The following YOD1 variants were observed in gnomAD, a reference collection of about 807,000 sequenced individuals.
YOD1 encodes the protein ubiquitin thioesterase OTU1.
A neutral mutation model predicts 23.7 loss-of-function variants in YOD1; 17 were observed. The observed-to-expected ratio is 0.72, with a 90% CI of 0.49 to 1.07. The LOEUF (loss-of-function observed/expected upper bound fraction) is 1.07, where lower values mean the gene tolerates loss of function less well. Among genes scored for constraint, YOD1 ranks in the 50% least tolerant of loss-of-function variants. YOD1 has a pLI of 0.00. For missense variants in YOD1, 413 were observed against 447.2 expected (o/e 0.92, Z 0.69); for synonymous variants, 191 against 169.6 (o/e 1.13, Z -0.98).
At chr1:207,050,412 CA>C (rs1682709545) in intron 1 of YOD1, among the ~76,000 whole-genome samples, 1 of 152,040 alleles carries the variant, frequency 6.6e-6, no homozygotes, top group Admixed American at 6.5e-5. Flanking sequence ...CGAGGGAAAA[CA>C]AAATGGGATA....
At position 207,050,745 on chromosome 1, in the gene YOD1, C is replaced by A. The variant is rs1370721597; in HGVS notation, c.286G>T (p.Glu96Ter). Residue 96 changes from glutamate to a stop codon, truncating the protein, a stop_gained, in exon 1 of 2, where the codon GAG (glutamate) becomes TAG (stop). Transcript: ENST00000315927. LOFTEE classifies it high-confidence loss of function. Reference sequence around the variant, plus strand: ...TCCCCATTGCTGAGATCCAGGCACTCGGGAGGGTATCCGACGAGGATTCGC... The same window carrying A: ...TCCCCATTGCTGAGATCCAGGCACTAGGGAGGGTATCCGACGAGGATTCGC... ...GQRILVGYPP[E>*]CLDLSNGDTI... 1.2e-6 allele frequency: 2 copies of A among 1,613,364 alleles called. No homozygotes were observed. Among genetic ancestry groups the A allele is most frequent in the Non-Finnish European group, 8.5e-7 (1 of 1,180,040 alleles).
chr1:207,052,109 A>C, upstream of YOD1: 1 of 1,290,446 alleles, frequency 7.7e-7, no homozygotes, highest in Non-Finnish European at 1.1e-6. Flanking sequence ...CCACTTGCCA[A>C]GAGTGGGTTT....
Position 207,044,265 on chromosome 1 carries a change from C to A in YOD1, c.*4755G>T, listed in dbSNP as rs1421587097. On this transcript the variant is annotated 3_prime_UTR_variant, in exon 2 of 2. Transcript: ENST00000315927. Reference sequence around the variant, plus strand: ...TCTCTAACCCTTTTCACAAACTATTCATATTCATTCTGTATTTAGGCTGAA... The same window carrying A: ...TCTCTAACCCTTTTCACAAACTATTAATATTCATTCTGTATTTAGGCTGAA... The A allele has an allele frequency of 6.6e-6, 1 of 152,480 alleles. No homozygotes were observed. Among genetic ancestry groups the A allele is most frequent in the Admixed American group, 6.5e-5 (1 of 15,268 alleles). 9.4% of individuals were successfully genotyped at this position (152,480 alleles called of 1,614,324 possible).
At chr1:207,050,585 C>T in intron 1 of YOD1, 103 bp downstream of exon 1, 1 of 1,512,190 alleles carries the variant, frequency 6.6e-7, no homozygotes, top group South Asian at 1.2e-5. Context: ...TCAAAGCCCC[C>T]CCGCCGACTC....
At chr1:207,052,302 C>A, upstream of YOD1, 1 of 1,340,104 alleles carries the variant, frequency 7.5e-7, no homozygotes, top group Admixed American at 1.7e-5. Flanking sequence ...TTCTTCAAGA[C>A]GACTGCAACG....
At chr1:207,051,321 A>T (rs34037939), upstream of YOD1, among the ~76,000 whole-genome samples, 126 of 152,292 alleles carry the variant, frequency 8.3e-4, no homozygotes, top group East Asian at 0.022. Flanking sequence ...TGAGGTCGGA[A>T]ATTATTAAAT....
intron 1 of YOD1, 58 bp from the exon 2 acceptor site, chr1:207,049,781 T>C (rs547466177): frequency 1.1e-5 from 17 of 1,486,472 alleles, no homozygotes; most frequent in Middle Eastern, 1.8e-4. Flanking sequence ...AACCGAGTGT[T>C]CTCTAGCCAA....
upstream of YOD1, among the ~76,000 whole-genome samples, chr1:207,052,490 C>T (rs771626368): frequency 2.0e-5 from 3 of 152,066 alleles, no homozygotes; most frequent in East Asian, 5.8e-4. Context: ...GGAGAAACCC[C>T]GTCTCTACTA....
At position 207,044,671 on chromosome 1, in the gene YOD1, A is replaced by C. The variant is rs1052097476; in HGVS notation, c.*4349T>G. 1.4e-4 allele frequency: 22 copies of C among 152,480 alleles called. No individual in the cohort carries two copies. The highest frequency in any genetic ancestry group is 4.3e-4 in the African/African-American group (18 of 41,586). 9.4% of individuals were successfully genotyped at this position (152,480 alleles called of 1,614,324 possible). A position where few individuals can be genotyped will look rare whatever the true frequency, so the allele number is the denominator to read the frequency against. On this transcript the variant is annotated 3_prime_UTR_variant, in exon 2 of 2. Coordinates refer to ENST00000315927, the MANE Select transcript of YOD1 (RefSeq NM_018566.4). ...GCTTTTTCACCTATGGCCATGCTAC[A>C]TTCTATGACAAGAAATGGGGAAGAA...
Position 207,050,929 on chromosome 1 carries a change from C to G in YOD1, c.102G>C (p.Ala34=), listed in dbSNP as rs1161979096. 3 of 1,588,162 alleles carry G rather than the reference C, an allele frequency of 1.9e-6. No individual in the cohort carries two copies. The highest frequency in any genetic ancestry group is 2.6e-6 in the Non-Finnish European group (3 of 1,167,324). The change falls in exon 1 of 2, where the codon GCG becomes GCC. Residue 34 remains alanine (A), a synonymous_variant. Transcript: ENST00000315927. ...TCCGGCTGCCCACAGGCCAGGCACCCGCGGGGCCAGCTTTGGTCCCGGCAG... is the reference window on the plus strand; with the variant it reads ...TCCGGCTGCCCACAGGCCAGGCACCGGCGGGGCCAGCTTTGGTCCCGGCAG... ...QQAAGTKAGP[A]GAWPVGSRTD... is the part of the protein sequence containing the mutation.
chr1:207,048,977 G>T lies in YOD1; in HGVS notation c.*43C>A. On this transcript the variant is annotated 3_prime_UTR_variant, in exon 2 of 2. Coordinates refer to ENST00000315927, the MANE Select transcript of YOD1 (RefSeq NM_018566.4). ...CTTATTGGAAAACCCAGAGCCTTCTGGATGTGTGAGGTAGTAGGCTTCAAC... is the reference window on the plus strand; with the variant it reads ...CTTATTGGAAAACCCAGAGCCTTCTTGATGTGTGAGGTAGTAGGCTTCAAC... 1 of 1,552,246 alleles carries T rather than the reference G, an allele frequency of 6.4e-7. No individual in the cohort carries two copies. The highest frequency in any genetic ancestry group is 1.2e-5 in the South Asian group (1 of 84,566).
intron 1 of YOD1, 23 bp from the exon 2 acceptor site, chr1:207,049,746 C>G (rs761162694): frequency 6.3e-7 from 1 of 1,582,714 alleles, no homozygotes; most frequent in East Asian, 2.2e-5. Context: ...AAACAAATCC[C>G]GATCTGCAAA....
chr1:207,049,403 C>G lies in YOD1; in HGVS notation c.664G>C (p.Ala222Pro). ...TTGGACAAAATCGATATCTCTATTG[C>G]TCCTCCCCAAGTGTCATCCCTTTTG... ...WIKRDDTWGGAIEISILSKFY... is the reference protein window; with the variant it reads ...WIKRDDTWGGPIEISILSKFY... The change falls in exon 2 of 2, where the codon GCA becomes CCA. Residue 222 changes from alanine (A) to proline (P), a missense_variant. Coordinates refer to ENST00000315927, the MANE Select transcript of YOD1 (RefSeq NM_018566.4). The G allele has an allele frequency of 6.2e-7, 1 of 1,614,168 alleles. No homozygotes were observed. Among genetic ancestry groups the G allele is most frequent in the Non-Finnish European group, 8.5e-7 (1 of 1,180,024 alleles).
At position 207,051,095 on chromosome 1, in the gene YOD1, T is replaced by C. The variant is rs1682740130; in HGVS notation, c.-65A>G. The C allele has an allele frequency of 1.4e-6, 2 of 1,436,708 alleles. No individual in the cohort carries two copies. The highest frequency in any genetic ancestry group is 1.5e-5 in the South Asian group (1 of 68,564). 89.0% of individuals were successfully genotyped at this position (1,436,708 alleles called of 1,614,324 possible). A position where few individuals can be genotyped will look rare whatever the true frequency, so the allele number is the denominator to read the frequency against. On this transcript the variant is annotated 5_prime_UTR_variant, in exon 1 of 2. Coordinates refer to ENST00000315927, the MANE Select transcript of YOD1 (RefSeq NM_018566.4). The stretch of plus-strand genomic sequence containing the variant: ...CGGTGCGGCTTCTGCCTTAGTACCT[T>C]AGCAAGCGCGAACTCTTTTAAAGTG...
Position 207,048,395 on chromosome 1 carries a change from A to G in YOD1, c.*625T>C, listed in dbSNP as rs923813366. The G allele has an allele frequency of 3.9e-5, 6 of 153,564 alleles. No homozygotes were observed. Among genetic ancestry groups the G allele is most frequent in the Admixed American group, 1.3e-4 (2 of 15,404 alleles). 9.5% of individuals were successfully genotyped at this position (153,564 alleles called of 1,614,324 possible). A position where few individuals can be genotyped will look rare whatever the true frequency, so the allele number is the denominator to read the frequency against. ...CTTATCAGTGGTTAAGCACACATTT[A>G]TAATGTCTACCAAATTGCAATATAA... On this transcript the variant is annotated 3_prime_UTR_variant, in exon 2 of 2. Transcript: ENST00000315927.
Position 207,048,891 on chromosome 1 carries a change from T to C in YOD1, c.*129A>G. The C allele has an allele frequency of 6.0e-6, 5 of 830,118 alleles. No individual in the cohort carries two copies. The highest frequency in any genetic ancestry group is 9.5e-6 in the Non-Finnish European group (5 of 526,130). The allele number at this position is 830,118 out of a possible 1,614,324, so 51.4% of individuals were successfully genotyped here. ...TTAACAAGGAATTTCAGTGTCTTAG[T>C]GGTTTTAAGTTAAAAGGATGGTTCA... On this transcript the variant is annotated 3_prime_UTR_variant, in exon 2 of 2. Transcript: ENST00000315927.
chr1:207,052,162 T>A, upstream of YOD1: 3 of 1,610,318 alleles, frequency 1.9e-6, no homozygotes, highest in Non-Finnish European at 2.5e-6. Flanking sequence ...ATGAAAAGTG[T>A]AGTTCACTTG....
chr1:207,051,545 G>A (rs762001251), upstream of YOD1, among the ~76,000 whole-genome samples: 5 of 152,178 alleles, frequency 3.3e-5, no homozygotes, highest in African/African-American at 7.2e-5. Flanking sequence ...GCTTGAAAAC[G>A]TCTATTTGCC....
rs925856908 is a variant in YOD1, at chr1:207,045,708, A to G, written c.*3312T>C. ...TAGCTTAGGGCAACTTGCAACACCCACGTTTTAATCCCTCCACAGAAGGAA... is the reference window on the plus strand; with the variant it reads ...TAGCTTAGGGCAACTTGCAACACCCGCGTTTTAATCCCTCCACAGAAGGAA... On this transcript the variant is annotated 3_prime_UTR_variant, in exon 2 of 2. Transcript: ENST00000315927. 1 of 152,022 alleles carries G rather than the reference A, an allele frequency of 6.6e-6. No individual in the cohort carries two copies. Among genetic ancestry groups the G allele is most frequent in the African/African-American group, 2.4e-5 (1 of 41,418 alleles). The allele number at this position is 152,022 out of a possible 1,614,324, so 9.4% of individuals were successfully genotyped here.
Sources: gnomAD v4.1 joint callset for allele counts (sites outside exome capture counted in the v4.1 genomes callset) on GRCh38, gnomAD v4.1.1 for gene constraint, MANE v1.5 for transcripts, NCBI Gene and HGNC (gene_info 2026-07-23, HGNC 2026-07-21) for gene names.